Variants in KIF13A observed in about 807,000 individuals in gnomAD.
The protein encoded by KIF13A is kinesin-like protein KIF13A.
A neutral mutation model predicts 212.2 loss-of-function variants in KIF13A; 79 were observed. The ratio of observed to expected loss-of-function variants is 0.37; its 90% CI spans 0.31 to 0.45. The LOEUF is 0.45. KIF13A is among the 20% of genes least tolerant of loss of function. The pLI, the probability that KIF13A is intolerant of heterozygous loss-of-function variation, is 1.00. For missense variants in KIF13A, 1,901 were observed against 2,209.0 expected (o/e 0.86, Z 2.79); for synonymous variants, 789 against 808.6 (o/e 0.98, Z 0.41).
chr6:17,974,230 C>T (rs865965497), intron 2 of KIF13A, among the ~76,000 whole-genome samples: 39 of 152,148 alleles, frequency 2.6e-4, no homozygotes, highest in African/African-American at 8.4e-4. Flanking sequence ...TACAGGCACA[C>T]GCCAACATGC....
intron 4 of KIF13A, among the ~76,000 whole-genome samples, chr6:17,859,290 G>T (rs1768461313): frequency 6.6e-6 from 1 of 151,948 alleles, no homozygotes; most frequent in Non-Finnish European, 1.5e-5. Flanking sequence ...AATGATCAAA[G>T]AACTCCCCAG....
At chr6:17,760,602 A>C, downstream of KIF13A, 1 of 573,132 alleles carries the variant, frequency 1.7e-6, no homozygotes, top group South Asian at 2.2e-5. Flanking sequence ...TCACTTAGTT[A>C]ATCCAGGATT....
intron 4 of KIF13A, among the ~76,000 whole-genome samples, chr6:17,862,634 T>C (rs1161002168): frequency 1.3e-5 from 2 of 151,842 alleles, no homozygotes; most frequent in East Asian, 1.9e-4. Context: ...GAGACCCCTA[T>C]CTCTACAAAA....
chr6:17,814,148 T>A (rs1763697398), intron 17 of KIF13A, among the ~76,000 whole-genome samples: 2 of 151,860 alleles, frequency 1.3e-5, no homozygotes, highest in South Asian at 4.2e-4. Context: ...AGATGGGGTT[T>A]CACCTTGTTA....
chr6:17,890,804 A>AATAATAATAATC (rs1317159156), intron 3 of KIF13A, among the ~76,000 whole-genome samples: 1 of 148,374 alleles, frequency 6.7e-6, no homozygotes, highest in Non-Finnish European at 1.5e-5. Context: ...TAATAATAAT[A>AATAATAATAATC]ATAATAATAA....
chr6:17,906,854 A>C (rs1022253362), intron 2 of KIF13A, among the ~76,000 whole-genome samples: 3 of 152,206 alleles, frequency 2.0e-5, no homozygotes, highest in Admixed American at 6.5e-5. Flanking sequence ...AGAAGGAAGT[A>C]AAGTCAGGAG....
chr6:17,865,500 C>A (rs1346747269), intron 4 of KIF13A, among the ~76,000 whole-genome samples: 1 of 152,154 alleles, frequency 6.6e-6, no homozygotes, highest in African/African-American at 2.4e-5. Flanking sequence ...CAGCGCAAGA[C>A]CAGACAGGTT....
In KIF13A at chr6:17,987,384, T is replaced by C. The variant is rs1781670748; in HGVS notation, c.55+25A>G. On this transcript the variant is annotated intron_variant, in intron 1 of 38. Transcript: ENST00000259711. The surrounding 1 kb of genome is among the most constrained non-coding windows in gnomAD (Gnocchi z 7.7). ...CCCCCGCCCTCAGCCCGAGCAGAAA[T>C]AAAAAAGAGCGGAAAGCTCCTCACC... The C allele has an allele frequency of 7.4e-7, 1 of 1,349,872 alleles. No individual in the cohort carries two copies. Among genetic ancestry groups the C allele is most frequent in the Non-Finnish European group, 9.8e-7 (1 of 1,021,756 alleles). The allele number at this position is 1,349,872 out of a possible 1,614,324, so 83.6% of individuals were successfully genotyped here.
At position 17,789,963 on chromosome 6, in the gene KIF13A, T is replaced by C. The variant is rs1035231413; in HGVS notation, c.3223-53A>G. 7 of 1,378,728 alleles carry C rather than the reference T, an allele frequency of 5.1e-6. No individual in the cohort carries two copies. Among genetic ancestry groups the C allele is most frequent in the Non-Finnish European group, 5.2e-6 (5 of 970,392 alleles). The allele number at this position is 1,378,728 out of a possible 1,614,324, so 85.4% of individuals were successfully genotyped here. A position where few individuals can be genotyped will look rare whatever the true frequency, so the allele number is the denominator to read the frequency against. On this transcript the variant is annotated intron_variant, in intron 25 of 38. Coordinates refer to ENST00000259711, the MANE Select transcript of KIF13A (RefSeq NM_022113.6). The surrounding 1 kb of genome is among the most constrained non-coding windows in gnomAD (Gnocchi z 4.8). ...CAAGCATTTTGTTTTTCAAACCACA[T>C]ACAGGGAAAATAATTATTTAAGCTT...
chr6:17,848,502 G>A (rs778391155), intron 9 of KIF13A, among the ~76,000 whole-genome samples: 2 of 141,638 alleles, frequency 1.4e-5, no homozygotes, highest in Non-Finnish European at 3.1e-5. Flanking sequence ...TATGGTATTT[G>A]TGCCATTTTT....
chr6:17,875,444 T>C (rs1437761937), intron 3 of KIF13A, among the ~76,000 whole-genome samples: 1 of 150,940 alleles, frequency 6.6e-6, no homozygotes, highest in East Asian at 1.9e-4. Flanking sequence ...CAAACTGCTG[T>C]TTTTTCTTTT....
intron 2 of KIF13A, among the ~76,000 whole-genome samples, chr6:17,944,124 T>C (rs1285336699): frequency 1.3e-5 from 2 of 152,224 alleles, no homozygotes; most frequent in Non-Finnish European, 2.9e-5. Flanking sequence ...GGTATAAAAA[T>C]TCCCCATGGA....
chr6:17,847,673 CATG>C (rs1336617570), intron 9 of KIF13A, among the ~76,000 whole-genome samples: 2 of 152,160 alleles, frequency 1.3e-5, no homozygotes, highest in African/African-American at 4.8e-5. Context: ...AACTTGGAAT[CATG>C]ATAATGGTTA....
intron 2 of KIF13A, among the ~76,000 whole-genome samples, chr6:17,942,923 G>A (rs1777074401): frequency 6.6e-6 from 1 of 152,068 alleles, no homozygotes; most frequent in South Asian, 2.1e-4. Context: ...AGGTTGCAGT[G>A]AGCCAAGATT....
At chr6:17,969,884 T>G (rs575184644) in intron 2 of KIF13A, among the ~76,000 whole-genome samples, 447 of 152,206 alleles carry the variant, frequency 2.9e-3, no homozygotes, top group Non-Finnish European at 5.1e-3. Flanking sequence ...AGTTTTAAAA[T>G]ATACCATACA....
In KIF13A at chr6:17,873,418, C is replaced by CAAT; in HGVS notation, c.176_178dup (p.Tyr59dup). On this transcript the variant is annotated inframe_insertion, in exon 4 of 39. Transcript: ENST00000259711. ...GTTAGATTCATCCATGGACCAAAAG[C>CAAT]AATAATCAAAGGCAAATACCTGAAT... The CAAT allele has an allele frequency of 6.3e-7, 1 of 1,590,448 alleles. No homozygotes were observed. Among genetic ancestry groups the CAAT allele is most frequent in the Non-Finnish European group, 8.6e-7 (1 of 1,167,362 alleles).
chr6:17,958,735 T>C (rs1778557420), intron 2 of KIF13A, among the ~76,000 whole-genome samples: 1 of 152,214 alleles, frequency 6.6e-6, no homozygotes, highest in South Asian at 2.1e-4. Context: ...TTTAATTCCA[T>C]TTATTCCATC....
At chr6:17,881,581 C>A in intron 3 of KIF13A, 1 of 377,652 alleles carries the variant, frequency 2.6e-6, no homozygotes, top group Non-Finnish European at 5.2e-6. Flanking sequence ...CCTGTAATCC[C>A]AGCTACTCGG....
chr6:17,804,314 C>G, intron 20 of KIF13A, 47 bp downstream of exon 20: 1 of 1,445,112 alleles, frequency 6.9e-7, no homozygotes, highest in South Asian at 1.5e-5. Context: ...TAAAACAAAA[C>G]AAAAAACTTG....
Sources: gnomAD v4.1 joint callset for allele counts (sites outside exome capture counted in the v4.1 genomes callset) on GRCh38, gnomAD v4.1.1 for gene constraint, Gnocchi (gnomAD v3.1) non-coding constraint, MANE v1.5 for transcripts, NCBI Gene and HGNC (gene_info 2026-07-23, HGNC 2026-07-21) for gene names.